PCDHGA4: variants seen among roughly 807,000 people sequenced by gnomAD.
PCDHGA4 encodes protocadherin gamma-A4.
Under a neutral mutation model 54.6 loss-of-function variants are expected in PCDHGA4, and 38 were observed. The ratio of observed to expected loss-of-function variants is 0.70; its 90% CI spans 0.54 to 0.91. The LOEUF (loss-of-function observed/expected upper bound fraction) is 0.91. PCDHGA4 is among the 40% of genes least tolerant of loss of function. The pLI, the probability that PCDHGA4 is intolerant of heterozygous loss-of-function variation, is 0.00. For missense variants in PCDHGA4, 1,298 were observed against 1,220.9 expected (o/e 1.06, Z -0.94); for synonymous variants, 511 against 512.9 (o/e 1.00, Z 0.05).
chr5:141,404,551 G>C (rs764332245), intron 1 of PCDHGA4: 1 of 1,613,866 alleles, frequency 6.2e-7, no homozygotes, highest in Non-Finnish European at 8.5e-7. Flanking sequence ...TGCAGGTGAC[G>C]GCAAGTGACA....
intron 1 of PCDHGA4, chr5:141,421,851 T>G: frequency 6.2e-7 from 1 of 1,613,714 alleles, no homozygotes; most frequent in East Asian, 2.2e-5. Context: ...AAGAGGCTGC[T>G]CACCTGCTCC....
At chr5:141,392,160 T>C (rs1426961496) in intron 1 of PCDHGA4, 1 of 152,220 alleles carries the variant, frequency 6.6e-6, no homozygotes, top group Non-Finnish European at 1.5e-5. Context: ...TAAAACAATT[T>C]CTGAGTCAGT....
intron 1 of PCDHGA4, chr5:141,359,974 G>A: frequency 1.4e-5 from 10 of 717,304 alleles, no homozygotes; most frequent in Non-Finnish European, 2.0e-5. Context: ...GCGTTTGGGA[G>A]CCTCTTAGAG....
At position 141,431,007 on chromosome 5, in the gene PCDHGA4, G is replaced by C. The variant is rs149559471; in HGVS notation, c.2515-63800G>C. On this transcript the variant is annotated intron_variant, in intron 1 of 3. Transcript: ENST00000571252. This position sits in a 1 kb window ranked among gnomAD's most constrained non-coding sequence, Gnocchi z 4.8. Reference sequence around the variant, plus strand: ...TTCGCCCTGAATCCGCGCAGCGGCAGCTTGGTCACGGCGGGCAGGATAGAC... The same window carrying C: ...TTCGCCCTGAATCCGCGCAGCGGCACCTTGGTCACGGCGGGCAGGATAGAC... 10 of 1,614,050 alleles carry C rather than the reference G, an allele frequency of 6.2e-6. No homozygotes were observed. The highest frequency in any genetic ancestry group is 8.5e-6 in the Non-Finnish European group (10 of 1,180,018).
intron 1 of PCDHGA4, chr5:141,413,675 G>C (rs773300658): frequency 6.2e-7 from 1 of 1,613,826 alleles, no homozygotes; most frequent in Non-Finnish European, 8.5e-7. Context: ...CCGGATGTGG[G>C]CGTGAACTCC....
In PCDHGA4 at chr5:141,511,308, G is replaced by A. The variant is rs76613492; in HGVS notation, c.*135G>A. ...AGGGGCCAAGGCCATGCTCCCCTTG[G>A]GAAACAGAAACAAGTGCCCAGTCAG... is the stretch of plus-strand genomic sequence containing the variant. On this transcript the variant is annotated 3_prime_UTR_variant, in exon 4 of 4. Coordinates refer to ENST00000571252, the MANE Select transcript of PCDHGA4 (RefSeq NM_018917.4). 1.1e-3 allele frequency: 1,589 copies of A among 1,487,716 alleles called. 16 individuals carry two copies. In the African/African-American group the frequency reaches 0.021, roughly 19 times the overall value. The allele number at this position is 1,487,716 out of a possible 1,614,324, so 92.2% of individuals were successfully genotyped here.
rs757333940 is a variant in PCDHGA4, at chr5:141,404,777, T to A, written c.2514+47156T>A. The A allele has an allele frequency of 7.4e-6, 12 of 1,613,404 alleles. 1 individual carries two copies. In the South Asian group the frequency reaches 1.3e-4, roughly 18 times the overall value. ...GAATGCTTGGCTCTCCTACCGCCTA[T>A]TCAAGGCCAGTGAGCCAGGGCTCTT... On this transcript the variant is annotated intron_variant, in intron 1 of 3. Transcript: ENST00000571252.
intron 1 of PCDHGA4, chr5:141,414,573 A>G: frequency 6.2e-7 from 1 of 1,613,920 alleles, no homozygotes; most frequent in African/African-American, 1.3e-5. Context: ...CCTATATCCC[A>G]GAGAACAACG....
intron 1 of PCDHGA4, chr5:141,414,187 T>A: frequency 6.2e-7 from 1 of 1,609,834 alleles, no homozygotes; most frequent in South Asian, 1.1e-5. Flanking sequence ...TGCAAAAGTG[T>A]TGATTACAGT....
At chr5:141,376,676 G>GTTTTGTT in intron 1 of PCDHGA4, 5 of 306,022 alleles carry the variant, frequency 1.6e-5, no homozygotes, top group Non-Finnish European at 1.1e-5. Flanking sequence ...TGAGGGTATC[G>GTTTTGTT]TTTTTTTTTT....
At chr5:141,360,845 A>G in intron 1 of PCDHGA4, 2 of 1,614,014 alleles carry the variant, frequency 1.2e-6, no homozygotes, top group Non-Finnish European at 1.7e-6. Context: ...GATGCCAACG[A>G]TAACCCTCCA....
At chr5:141,372,302 G>C in intron 1 of PCDHGA4, 1 of 1,613,340 alleles carries the variant, frequency 6.2e-7, no homozygotes, top group Non-Finnish European at 8.5e-7. Flanking sequence ...GCGACAGGGA[G>C]GCCGCCCGCC....
intron 1 of PCDHGA4, chr5:141,389,813 C>G (rs575968401): frequency 1.3e-5 from 21 of 1,613,846 alleles, no homozygotes; most frequent in South Asian, 2.2e-5. Context: ...TTCTGGTCGC[C>G]GTGCGTGACG....
chr5:141,405,698 G>C (rs1274236930), intron 1 of PCDHGA4, among the ~76,000 whole-genome samples: 1 of 152,128 alleles, frequency 6.6e-6, no homozygotes, highest in Non-Finnish European at 1.5e-5. Flanking sequence ...GGCTGGTCTT[G>C]AATTCCTAAC....
Position 141,394,174 on chromosome 5 carries a change from A to G in PCDHGA4, c.2514+36553A>G, listed in dbSNP as rs774402638. On this transcript the variant is annotated intron_variant, in intron 1 of 3. Coordinates refer to ENST00000571252, the MANE Select transcript of PCDHGA4 (RefSeq NM_018917.4). ...AACGACAACCCTCCTACTTTCCCTC[A>G]TGCCTCCTACTCAGCGTATATCCTA... 3 of 1,613,706 alleles carry G rather than the reference A, an allele frequency of 1.9e-6. No individual in the cohort carries two copies. In the East Asian group the frequency reaches 6.7e-5, roughly 36 times the overall value.
intron 1 of PCDHGA4, chr5:141,405,052 C>A (rs182635391): frequency 2.0e-4 from 329 of 1,613,956 alleles, no homozygotes; most frequent in Non-Finnish European, 2.5e-4. Flanking sequence ...TGGCAGTCGT[C>A]TCCTGTGTCT....
intron 1 of PCDHGA4, chr5:141,403,237 CTG>C (rs1436614562): frequency 1.2e-6 from 2 of 1,613,942 alleles, no homozygotes; most frequent in Admixed American, 1.7e-5. Flanking sequence ...GGGAGGAGCT[CTG>C]TGCTCAGAGC....
chr5:141,459,827 A>T (rs779024675), intron 1 of PCDHGA4, among the ~76,000 whole-genome samples: 1 of 152,126 alleles, frequency 6.6e-6, no homozygotes, highest in Non-Finnish European at 1.5e-5. Context: ...GCAACTTTTC[A>T]TGTGTTGTCT....
intron 1 of PCDHGA4, chr5:141,362,702 T>A: frequency 9.7e-7 from 1 of 1,031,990 alleles, no homozygotes; most frequent in Non-Finnish European, 1.4e-6. Flanking sequence ...AACTGAATTT[T>A]AAGTGTTTTC....
Sources: allele counts gnomAD v4.1 joint callset (sites outside exome capture counted in the v4.1 genomes callset), GRCh38; gene constraint gnomAD v4.1.1; non-coding constraint Gnocchi (gnomAD v3.1); transcripts MANE v1.5; gene names NCBI Gene and HGNC (gene_info 2026-07-23, HGNC 2026-07-21).